Variants in CPEB3 observed in about 807,000 individuals in gnomAD.
The protein encoded by CPEB3 is cytoplasmic polyadenylation element-binding protein 3.
A neutral mutation model predicts 67.2 loss-of-function variants in CPEB3; 20 were observed. The ratio of observed to expected loss-of-function variants is 0.30; its 90% CI spans 0.21 to 0.43. CPEB3 has a LOEUF of 0.43. Among genes scored for constraint, CPEB3 ranks in the 20% least tolerant of loss-of-function variants. CPEB3 has a pLI of 1.00. For missense variants in CPEB3, 746 were observed against 968.6 expected (o/e 0.77, Z 3.05); for synonymous variants, 376 against 393.1 (o/e 0.96, Z 0.51).
intron 1 of CPEB3, among the ~76,000 whole-genome samples, chr10:92,277,097 T>C (rs1842025600): frequency 6.6e-6 from 1 of 152,234 alleles, no homozygotes; most frequent in Non-Finnish European, 1.5e-5. Context: ...TCCCATTCTA[T>C]GTCTTTCCAC....
chr10:92,286,292 G>T lies in CPEB3; in HGVS notation c.-12+4634C>A, dbSNP rs148560320. On this transcript the variant is annotated intron_variant, in intron 1 of 9. Transcript: ENST00000265997. ...GGTATGTAGATTGTATGCCTCTGAA[G>T]GGTAGCTATAGGCCAGGCACAGTGG... Among the ~76,000 whole-genome samples, 348 of 152,004 alleles carry T rather than the reference G, an allele frequency of 2.3e-3. 1 individual carries two copies. The highest frequency in any genetic ancestry group is 7.9e-3 in the African/African-American group (326 of 41,492).
At chr10:92,111,035 A>G in intron 7 of CPEB3, 41 bp downstream of exon 7, 1 of 1,286,636 alleles carries the variant, frequency 7.8e-7, no homozygotes, top group Non-Finnish European at 1.1e-6. Context: ...CCAATAGCAT[A>G]TGTGCTCTGG....
chr10:92,206,353 A>G (rs1849790647), intron 2 of CPEB3, among the ~76,000 whole-genome samples: 1 of 152,144 alleles, frequency 6.6e-6, no homozygotes, highest in South Asian at 2.1e-4. Flanking sequence ...GACTACAGGC[A>G]TGAGCCACCA....
At chr10:92,086,124 T>C (rs575077448) in intron 8 of CPEB3, among the ~76,000 whole-genome samples, 1 of 152,158 alleles carries the variant, frequency 6.6e-6, no homozygotes. Flanking sequence ...AAATAACACA[T>C]TCGTCTCTAC....
intron 4 of CPEB3, among the ~76,000 whole-genome samples, chr10:92,173,091 G>A (rs910844544): frequency 9.9e-5 from 15 of 152,086 alleles, no homozygotes; most frequent in Non-Finnish European, 2.1e-4. Flanking sequence ...TATACTTCAA[G>A]CCAGGGACCA....
At chr10:92,165,216 G>A (rs761706081) in intron 4 of CPEB3, among the ~76,000 whole-genome samples, 1 of 152,110 alleles carries the variant, frequency 6.6e-6, no homozygotes, top group Non-Finnish European at 1.5e-5. Context: ...AGAGGCTGAG[G>A]TGGGAGGACT....
intron 2 of CPEB3, among the ~76,000 whole-genome samples, chr10:92,211,383 G>A (rs1250638444): frequency 6.6e-6 from 1 of 152,116 alleles, no homozygotes; most frequent in Non-Finnish European, 1.5e-5. Context: ...GAAGATCACA[G>A]ATTTATGCAT....
chr10:92,248,358 T>C (rs1852157684), intron 1 of CPEB3, among the ~76,000 whole-genome samples: 1 of 152,194 alleles, frequency 6.6e-6, no homozygotes, highest in African/African-American at 2.4e-5. Context: ...TTTTGATCTG[T>C]GGTTGGTTGA....
chr10:92,087,595 G>A (rs997868405), intron 8 of CPEB3, among the ~76,000 whole-genome samples: 2 of 152,168 alleles, frequency 1.3e-5, no homozygotes, highest in African/African-American at 2.4e-5. Context: ...CCCATCAGAT[G>A]CCAAAACCAA....
intron 6 of CPEB3, among the ~76,000 whole-genome samples, chr10:92,114,589 C>T (rs1461445732): frequency 1.3e-5 from 2 of 152,258 alleles, no homozygotes; most frequent in African/African-American, 2.4e-5. Flanking sequence ...GCACCAGACA[C>T]TGTTCTAAGT....
At chr10:92,152,069 C>G (rs1846992590) in intron 4 of CPEB3, among the ~76,000 whole-genome samples, 1 of 152,162 alleles carries the variant, frequency 6.6e-6, no homozygotes, top group Admixed American at 6.5e-5. Flanking sequence ...GTTCAAAATC[C>G]TTACCAGGAG....
At chr10:92,053,828 A>G (rs1201482335) in intron 9 of CPEB3, among the ~76,000 whole-genome samples, 2 of 152,126 alleles carry the variant, frequency 1.3e-5, no homozygotes, top group Admixed American at 6.5e-5. Flanking sequence ...GGCGTGAGCC[A>G]CCATGCCTGG....
intron 6 of CPEB3, among the ~76,000 whole-genome samples, chr10:92,121,183 T>C (rs1845357813): frequency 6.6e-6 from 1 of 151,620 alleles, no homozygotes. Flanking sequence ...TAATTTTTTG[T>C]ATTTTTAGTA....
intron 7 of CPEB3, among the ~76,000 whole-genome samples, chr10:92,092,618 G>A (rs954656593): frequency 6.6e-6 from 1 of 151,960 alleles, no homozygotes; most frequent in Non-Finnish European, 1.5e-5. Flanking sequence ...TGTCTCTACT[G>A]AAAATACAAA....
At chr10:92,114,807 G>C (rs568709575) in intron 6 of CPEB3, among the ~76,000 whole-genome samples, 1 of 152,290 alleles carries the variant, frequency 6.6e-6, no homozygotes, top group South Asian at 2.1e-4. Context: ...CCAAATATTT[G>C]TCCCAATTAC....
At chr10:92,111,222 G>A in intron 6 of CPEB3, 28 bp from the exon 7 acceptor site, 1 of 1,399,278 alleles carries the variant, frequency 7.1e-7, no homozygotes, top group Non-Finnish European at 1.0e-6. Flanking sequence ...CAAAAGGGTA[G>A]AGGAAGAATC....
At chr10:92,181,329 T>C (rs1848449611) in intron 3 of CPEB3, among the ~76,000 whole-genome samples, 2 of 146,362 alleles carry the variant, frequency 1.4e-5, no homozygotes, top group African/African-American at 5.1e-5. Context: ...AAACATTTTA[T>C]TTAAACAACC....
intron 2 of CPEB3, among the ~76,000 whole-genome samples, chr10:92,227,826 C>A (rs1365986311): frequency 6.6e-6 from 1 of 152,002 alleles, no homozygotes; most frequent in Admixed American, 6.6e-5. Flanking sequence ...CTCCTGACCT[C>A]GTGATCCACC....
chr10:92,090,266 C>A (rs940301116), intron 8 of CPEB3, among the ~76,000 whole-genome samples: 2 of 152,138 alleles, frequency 1.3e-5, no homozygotes, highest in Non-Finnish European at 2.9e-5. Context: ...TGTGGCTGGG[C>A]GTGGTGGCTC....
Sources: gnomAD v4.1 joint callset for allele counts (sites outside exome capture counted in the v4.1 genomes callset) on GRCh38, gnomAD v4.1.1 for gene constraint, MANE v1.5 for transcripts, NCBI Gene and HGNC (gene_info 2026-07-23, HGNC 2026-07-21) for gene names.